Variants in CRY1 observed in about 807,000 individuals in gnomAD.
CRY1 encodes cryptochrome circadian regulator 1, also known as cryptochrome-1.
Under a neutral mutation model 76.0 loss-of-function variants are expected in CRY1, and 45 were observed. The observed-to-expected ratio is 0.59, with a 90% CI of 0.47 to 0.76. CRY1 has a LOEUF of 0.76. Ranked by LOEUF, CRY1 falls within the 30% of genes least tolerant of loss-of-function variation. The pLI is 0.00. For missense variants in CRY1, 587 were observed against 716.4 expected (o/e 0.82, Z 2.06); for synonymous variants, 248 against 244.0 (o/e 1.02, Z -0.15).
At chr12:107,011,947 T>C (rs566699614) in intron 2 of CRY1, among the ~76,000 whole-genome samples, 28 of 151,884 alleles carry the variant, frequency 1.8e-4, no homozygotes, top group Admixed American at 1.4e-3. Context: ...TCCCAGCACT[T>C]TGGGAAGCTG....
At chr12:107,090,042 G>A (rs749095533) in intron 1 of CRY1, among the ~76,000 whole-genome samples, 5 of 151,730 alleles carry the variant, frequency 3.3e-5, no homozygotes, top group African/African-American at 7.3e-5. Flanking sequence ...AGCATCTGAC[G>A]TAAGTAAAAC....
intron 1 of CRY1, among the ~76,000 whole-genome samples, chr12:107,046,588 G>A (rs145603508): frequency 1.5e-3 from 223 of 152,278 alleles, no homozygotes; most frequent in Middle Eastern, 0.01. Context: ...AAGCTACAGA[G>A]TAGCCAAATG....
At chr12:107,062,064 A>G (rs1953055094) in intron 1 of CRY1, among the ~76,000 whole-genome samples, 1 of 151,344 alleles carries the variant, frequency 6.6e-6, no homozygotes, top group Non-Finnish European at 1.5e-5. Context: ...AAAAAAAAAA[A>G]GAAAAGAAAC....
chr12:107,005,808 C>G (rs1170504165), intron 2 of CRY1, among the ~76,000 whole-genome samples: 1 of 151,892 alleles, frequency 6.6e-6, no homozygotes, highest in African/African-American at 2.4e-5. Context: ...AAAACGTTAA[C>G]TGAAAAATTT....
chr12:107,093,178 A>C lies in CRY1; in HGVS notation c.-217T>G. On this transcript the variant is annotated 5_prime_UTR_variant, in exon 1 of 13. Transcript: ENST00000008527. ...TGAATGGAGGTTGCCTAGTCGGCGG[A>C]GTCCGGGTGTGACGCCCTTTAGGAG... 1.9e-6 allele frequency: 1 copy of C among 534,024 alleles called. No homozygotes were observed. The highest frequency in any genetic ancestry group is 3.1e-6 in the Non-Finnish European group (1 of 320,104). The allele number at this position is 534,024 out of a possible 1,614,324, so 33.1% of individuals were successfully genotyped here.
chr12:107,062,808 T>C (rs1474631731), intron 1 of CRY1, among the ~76,000 whole-genome samples: 1 of 152,242 alleles, frequency 6.6e-6, no homozygotes, highest in Non-Finnish European at 1.5e-5. Flanking sequence ...AAATAGCTTA[T>C]TCTGCCTCTT....
chr12:107,075,379 G>A (rs1228919262), intron 1 of CRY1, among the ~76,000 whole-genome samples: 12 of 152,056 alleles, frequency 7.9e-5, no homozygotes. Flanking sequence ...TTGATAAAAG[G>A]TGAATCACCA....
chr12:106,999,905 A>G, intron 6 of CRY1, 37 bp downstream of exon 6: 1 of 1,583,806 alleles, frequency 6.3e-7, no homozygotes, highest in Non-Finnish European at 8.6e-7. Flanking sequence ...ATTTTTTTTT[A>G]AAGTATTAAA....
intron 1 of CRY1, among the ~76,000 whole-genome samples, chr12:107,083,926 T>C (rs907297205): frequency 6.6e-5 from 10 of 152,330 alleles, no homozygotes; most frequent in Admixed American, 3.3e-4. Flanking sequence ...CATGATTGTA[T>C]ATTTAGAAAA....
At chr12:107,044,322 C>T (rs1250635687) in intron 1 of CRY1, among the ~76,000 whole-genome samples, 2 of 152,132 alleles carry the variant, frequency 1.3e-5, no homozygotes, top group African/African-American at 2.4e-5. Flanking sequence ...CCTATGACAC[C>T]AAGAACATTA....
intron 1 of CRY1, among the ~76,000 whole-genome samples, chr12:107,033,548 G>C (rs1278065533): frequency 8.5e-5 from 13 of 152,080 alleles, no homozygotes; most frequent in Non-Finnish European, 1.9e-4. Flanking sequence ...TCATGATCAA[G>C]TTGGGCTTAT....
chr12:107,030,937 G>A (rs1041166130), intron 1 of CRY1, among the ~76,000 whole-genome samples: 24 of 152,184 alleles, frequency 1.6e-4, no homozygotes, highest in African/African-American at 5.3e-4. Context: ...TGGGGGTTGG[G>A]GGTACCTGGG....
At chr12:107,009,474 C>T (rs1054217951) in intron 2 of CRY1, among the ~76,000 whole-genome samples, 1 of 150,172 alleles carries the variant, frequency 6.7e-6, no homozygotes, top group Non-Finnish European at 1.5e-5. Flanking sequence ...GGGAGGTAGA[C>T]GTTGCAGTGA....
intron 1 of CRY1, among the ~76,000 whole-genome samples, chr12:107,061,528 C>T (rs997464375): frequency 5.9e-5 from 9 of 151,968 alleles, no homozygotes; most frequent in African/African-American, 2.2e-4. Flanking sequence ...TACAGGCATC[C>T]ACCACCACGC....
chr12:107,081,122 A>G (rs756412614), intron 1 of CRY1, among the ~76,000 whole-genome samples: 3 of 152,146 alleles, frequency 2.0e-5, no homozygotes, highest in Non-Finnish European at 4.4e-5. Flanking sequence ...TAGAAGGAAG[A>G]ACTAGTAAGG....
chr12:107,003,987 G>T (rs1952342301), intron 3 of CRY1, among the ~76,000 whole-genome samples: 1 of 151,966 alleles, frequency 6.6e-6, no homozygotes, highest in African/African-American at 2.4e-5. Context: ...TGTATTTTTA[G>T]TAGAGATGAG....
At chr12:107,000,182 G>T in intron 5 of CRY1, 100 bp from the exon 6 acceptor site, 2 of 1,215,932 alleles carry the variant, frequency 1.6e-6, no homozygotes, top group Non-Finnish European at 1.1e-6. Context: ...CATAGTTCTT[G>T]GGGAATAAAA....
chr12:107,040,268 T>C (rs1952781805), intron 1 of CRY1, among the ~76,000 whole-genome samples: 1 of 108,466 alleles, frequency 9.2e-6, no homozygotes, highest in Admixed American at 1.1e-4. Context: ...AATACTTTCT[T>C]TCCTTTTTTT....
At chr12:107,024,119 G>C (rs976117924) in intron 1 of CRY1, among the ~76,000 whole-genome samples, 1 of 152,104 alleles carries the variant, frequency 6.6e-6, no homozygotes, top group African/African-American at 2.4e-5. Context: ...TGTCCTGGAG[G>C]GGGTAATCTA....
Sources: allele counts gnomAD v4.1 joint callset (sites outside exome capture counted in the v4.1 genomes callset), GRCh38; gene constraint gnomAD v4.1.1; transcripts MANE v1.5; gene names NCBI Gene and HGNC (gene_info 2026-07-23, HGNC 2026-07-21).